RBFOX1: variants seen among roughly 807,000 people sequenced by gnomAD.
RBFOX1 encodes the protein RNA binding protein fox-1 homolog 1.
In RBFOX1, 8 loss-of-function variants were observed where a neutral mutation model predicts 57.7. That is an observed-to-expected ratio of 0.14 (90% CI 0.08 to 0.25). The LOEUF is 0.25. RBFOX1 is among the 10% of genes least tolerant of loss of function. The pLI is 1.00. For synonymous variants in RBFOX1, 326 were observed against 222.4 expected (o/e 1.47, Z -4.15); for missense variants, 611 against 548.5 (o/e 1.11, Z -1.14).
At chr16:5,600,293 C>G (rs113156658), downstream of RBFOX1, 1 of 149,880 alleles carries the variant, frequency 6.7e-6, no homozygotes, top group East Asian at 2.0e-4. Flanking sequence ...AGCGAGACTC[C>G]GTCTCAAAAA....
At chr16:5,995,353 G>C (rs1235486284) in intron 4 of RBFOX1, among the ~76,000 whole-genome samples, 1 of 152,164 alleles carries the variant, frequency 6.6e-6, no homozygotes, top group African/African-American at 2.4e-5. Context: ...GGCAACTTCT[G>C]TGTAGAAAGG....
At chr16:5,352,353 A>G (rs1243004642) in intron 1 of RBFOX1, among the ~76,000 whole-genome samples, 1 of 152,188 alleles carries the variant, frequency 6.6e-6, no homozygotes, top group African/African-American at 2.4e-5. Context: ...ATTCCTAGGT[A>G]TCTTTACTCT....
chr16:6,492,366 A>C (rs1171283322), intron 2 of RBFOX1, among the ~76,000 whole-genome samples: 1 of 152,168 alleles, frequency 6.6e-6, no homozygotes, highest in East Asian at 1.9e-4. Context: ...TCAGGAGTTC[A>C]AGACCAGCCT....
chr16:5,849,205 T>A (rs2056830221), intron 3 of RBFOX1, among the ~76,000 whole-genome samples: 1 of 152,036 alleles, frequency 6.6e-6, no homozygotes, highest in South Asian at 2.1e-4. Context: ...ATGCATTAAC[T>A]CATATTTCTA....
chr16:5,614,874 A>T (rs2047963921), intron 3 of RBFOX1, among the ~76,000 whole-genome samples: 1 of 152,228 alleles, frequency 6.6e-6, no homozygotes, highest in Non-Finnish European at 1.5e-5. Context: ...CCGTTGACTT[A>T]CATGACATGA....
chr16:5,940,782 G>A (rs1046914946), intron 4 of RBFOX1, among the ~76,000 whole-genome samples: 10 of 152,190 alleles, frequency 6.6e-5, no homozygotes, highest in Non-Finnish European at 1.3e-4. Flanking sequence ...CAGCCGGCTA[G>A]TCTGGCACAT....
chr16:7,049,660 C>T (rs1048995206), intron 3 of RBFOX1, among the ~76,000 whole-genome samples: 5 of 151,980 alleles, frequency 3.3e-5, no homozygotes, highest in South Asian at 2.1e-4. Context: ...ACTTATGTGG[C>T]GGTACTTTAA....
chr16:5,394,934 C>A (rs1205774946), intron 1 of RBFOX1, among the ~76,000 whole-genome samples: 1 of 152,088 alleles, frequency 6.6e-6, no homozygotes, highest in Non-Finnish European at 1.5e-5. Context: ...CACCTTGTGT[C>A]CAGCCGGCAT....
At chr16:6,688,239 G>C (rs1171746857) in intron 3 of RBFOX1, among the ~76,000 whole-genome samples, 1 of 151,872 alleles carries the variant, frequency 6.6e-6, no homozygotes, top group Non-Finnish European at 1.5e-5. Context: ...GGAAGAGAGA[G>C]ATGGCAGGAG....
intron 2 of RBFOX1, among the ~76,000 whole-genome samples, chr16:5,490,659 C>G (rs775861594): frequency 6.6e-6 from 1 of 152,174 alleles, no homozygotes; most frequent in Non-Finnish European, 1.5e-5. Flanking sequence ...GAGCTCCGAG[C>G]ATCTCTGCAG....
chr16:6,950,890 T>C (rs1873706), intron 3 of RBFOX1, among the ~76,000 whole-genome samples: 92,165 of 151,574 alleles, frequency 0.61, 28,209 homozygotes, highest in Middle Eastern at 0.66. Flanking sequence ...TTTCTGTTTC[T>C]TTTCACTCTT....
chr16:7,672,378 T>C (rs1417392337), intron 13 of RBFOX1, among the ~76,000 whole-genome samples: 3 of 152,228 alleles, frequency 2.0e-5, no homozygotes, highest in Non-Finnish European at 4.4e-5. Flanking sequence ...TTCCCTTTTT[T>C]CTTCAGTATT....
Position 7,383,110 on chromosome 16 carries a change from G to T in RBFOX1, c.28-135037G>T, listed in dbSNP as rs547637909. The stretch of plus-strand genomic sequence containing the variant: ...TTGATCTTAGATTCTGATTCTAGCA[G>T]GTGTTCATGGTACAGTCTTGTTCTG... On this transcript the variant is annotated intron_variant, in intron 4 of 15. Transcript: ENST00000550418. Among the ~76,000 whole-genome samples the T allele has an allele frequency of 3.9e-4, 59 of 152,190 alleles. 2 individuals are homozygous for T. The highest frequency in any genetic ancestry group is 3.3e-3 in the Admixed American group (50 of 15,260).
At chr16:5,841,278 G>A (rs1436080033) in intron 3 of RBFOX1, among the ~76,000 whole-genome samples, 1 of 152,198 alleles carries the variant, frequency 6.6e-6, no homozygotes, top group African/African-American at 2.4e-5. Flanking sequence ...TAGCTGAGGA[G>A]CAGCAGAGCC....
intron 4 of RBFOX1, among the ~76,000 whole-genome samples, chr16:5,876,343 A>C (rs2057610505): frequency 6.6e-6 from 1 of 152,222 alleles, no homozygotes; most frequent in African/African-American, 2.4e-5. Context: ...TCTGTTTTAC[A>C]GATGAGCATA....
chr16:5,845,950 A>G (rs1302539404), intron 3 of RBFOX1, among the ~76,000 whole-genome samples: 1 of 152,148 alleles, frequency 6.6e-6, no homozygotes, highest in Admixed American at 6.5e-5. Flanking sequence ...AGGTGGGCAG[A>G]TTACTTGAGG....
intron 4 of RBFOX1, among the ~76,000 whole-genome samples, chr16:5,979,962 C>A (rs1333483424): frequency 6.6e-6 from 1 of 152,102 alleles, no homozygotes; most frequent in African/African-American, 2.4e-5. Context: ...GGATTTGAAC[C>A]CAGACAGTCT....
In RBFOX1 at chr16:5,734,803, G is replaced by A. The variant is rs556688754; in HGVS notation, c.319-132500G>A. ...CTTGGCTTGGATGAGCTCAGTGGGA[G>A]CTCATCCAAGAAGGAAGGGAGATAA... is the stretch of plus-strand genomic sequence containing the variant. On this transcript the variant is annotated intron_variant, in intron 3 of 19. Coordinates refer to the RBFOX1 transcript ENST00000641259. Among the ~76,000 whole-genome samples, 8 of 152,218 alleles carry A rather than the reference G, an allele frequency of 5.3e-5. No individual in the cohort carries two copies. The East Asian group carries it at 1.2e-3, about 22-fold the overall frequency.
At chr16:5,856,411 T>G (rs990753187) in intron 3 of RBFOX1, among the ~76,000 whole-genome samples, 2 of 138,666 alleles carry the variant, frequency 1.4e-5, no homozygotes, top group African/African-American at 2.7e-5. Flanking sequence ...TTCAGAAATA[T>G]CAAGTATATA....
Sources: allele counts gnomAD v4.1 joint callset (sites outside exome capture counted in the v4.1 genomes callset), GRCh38; gene constraint gnomAD v4.1.1; transcripts MANE v1.5; gene names NCBI Gene and HGNC (gene_info 2026-07-23, HGNC 2026-07-21).